MTHFD1L: variants seen among roughly 807,000 people sequenced by gnomAD.
MTHFD1L encodes methylenetetrahydrofolate dehydrogenase (NADP+ dependent) 1 like.
In MTHFD1L, 81 loss-of-function variants were observed where a neutral mutation model predicts 119.5. The ratio of observed to expected loss-of-function variants is 0.68; its 90% CI spans 0.57 to 0.82. The LOEUF (loss-of-function observed/expected upper bound fraction) is 0.82. Among genes scored for constraint, MTHFD1L ranks in the 40% least tolerant of loss-of-function variants. MTHFD1L has a pLI of 0.00. For synonymous variants in MTHFD1L, 430 were observed against 475.2 expected (o/e 0.90, Z 1.24); for missense variants, 1,125 against 1,253.4 (o/e 0.90, Z 1.55).
chr6:150,910,517 C>T (rs528108256), intron 8 of MTHFD1L, among the ~76,000 whole-genome samples: 27 of 145,630 alleles, frequency 1.9e-4, no homozygotes, highest in African/African-American at 6.7e-4. Flanking sequence ...GAGCTGAGAT[C>T]GCGCTCCAGC....
At chr6:150,974,019 T>G (rs1463003413) in intron 20 of MTHFD1L, among the ~76,000 whole-genome samples, 1 of 152,238 alleles carries the variant, frequency 6.6e-6, no homozygotes, top group Non-Finnish European at 1.5e-5. Context: ...TATGATCTCA[T>G]CTAGTCTAAG....
intron 20 of MTHFD1L, among the ~76,000 whole-genome samples, chr6:150,992,192 G>C (rs749747296): frequency 2.6e-5 from 4 of 152,168 alleles, no homozygotes; most frequent in African/African-American, 9.7e-5. Context: ...GGACTCCTTC[G>C]TCAGTAAGAG....
rs192751833 is a variant in MTHFD1L at position 150,954,744 on chromosome 6, C to A, written c.1727-1251C>A. Among the ~76,000 whole-genome samples the A allele has an allele frequency of 4.5e-3, 685 of 151,890 alleles. 18 individuals carry two copies. Among genetic ancestry groups the A allele is most frequent in the Non-Finnish European group, 1.9e-3 (131 of 67,950 alleles). On this transcript the variant is annotated intron_variant, in intron 16 of 27. Coordinates refer to ENST00000367321, the MANE Select transcript of MTHFD1L (RefSeq NM_015440.5). ...TGCAGAGACACAATCATGGTCATTGCAGCCTCAACCCCCAAGACTCAAGCA... is the reference window on the plus strand; with the variant it reads ...TGCAGAGACACAATCATGGTCATTGAAGCCTCAACCCCCAAGACTCAAGCA...
intron 20 of MTHFD1L, among the ~76,000 whole-genome samples, chr6:150,990,343 A>C (rs975009860): frequency 3.9e-5 from 6 of 152,238 alleles, no homozygotes; most frequent in African/African-American, 1.4e-4. Flanking sequence ...TATCAGAACA[A>C]GATAACCCTA....
chr6:150,995,324 G>A (rs947294175), intron 20 of MTHFD1L, among the ~76,000 whole-genome samples: 2 of 152,062 alleles, frequency 1.3e-5, no homozygotes, highest in Non-Finnish European at 2.9e-5. Context: ...AGACCAGCCT[G>A]ACCAACATGG....
At chr6:151,008,442 C>T (rs963792755) in intron 20 of MTHFD1L, among the ~76,000 whole-genome samples, 13 of 152,332 alleles carry the variant, frequency 8.5e-5, no homozygotes, top group African/African-American at 2.9e-4. Context: ...ACAATCATCT[C>T]ACCTGGGGAT....
At chr6:150,948,970 G>T in intron 15 of MTHFD1L, 61 bp from the exon 16 acceptor site, 1 of 1,328,374 alleles carries the variant, frequency 7.5e-7, no homozygotes, top group Non-Finnish European at 1.1e-6. Flanking sequence ...GGATAATTTT[G>T]GTGACCCTTT....
intron 7 of MTHFD1L, among the ~76,000 whole-genome samples, chr6:150,902,606 A>G (rs1415441334): frequency 1.3e-5 from 2 of 152,122 alleles, no homozygotes; most frequent in Non-Finnish European, 2.9e-5. Context: ...ATTAACATCT[A>G]TGATGCAATC....
intron 13 of MTHFD1L, among the ~76,000 whole-genome samples, chr6:150,942,530 A>G (rs1562424030): frequency 6.6e-6 from 1 of 152,168 alleles, no homozygotes; most frequent in African/African-American, 2.4e-5. Context: ...GTATGGGAAT[A>G]TAGATCATTT....
intron 5 of MTHFD1L, among the ~76,000 whole-genome samples, chr6:150,883,367 C>T (rs1781678469): frequency 1.3e-5 from 2 of 152,166 alleles, no homozygotes; most frequent in Admixed American, 1.3e-4. Context: ...GCAAAAGTTA[C>T]ATATTTTGGA....
chr6:151,003,372 A>G (rs1780894011), intron 20 of MTHFD1L, among the ~76,000 whole-genome samples: 1 of 152,112 alleles, frequency 6.6e-6, no homozygotes, highest in Admixed American at 6.6e-5. Context: ...ACTCTACAAA[A>G]AATACAAAAA....
At chr6:151,062,980 A>G (rs2073665281) in intron 26 of MTHFD1L, among the ~76,000 whole-genome samples, 1 of 152,110 alleles carries the variant, frequency 6.6e-6, no homozygotes, top group Non-Finnish European at 1.5e-5. Flanking sequence ...ACATGTATAC[A>G]TATGTAACAA....
intron 20 of MTHFD1L, among the ~76,000 whole-genome samples, chr6:150,979,314 A>C (rs1483245237): frequency 6.6e-6 from 1 of 151,800 alleles, no homozygotes; most frequent in Non-Finnish European, 1.5e-5. Flanking sequence ...ATATAACTAT[A>C]TTGTACCAAT....
chr6:151,026,820 C>CTTTTTTTTTTTTTT lies in MTHFD1L; in HGVS notation c.2587-7659_2587-7646dup, dbSNP rs1158007442. On this transcript the variant is annotated intron_variant, in intron 24 of 27. Transcript: ENST00000367321. ...TGAGATTTTTCCTGTCCTTTCTATC[C>CTTTTTTTTTTTTTT]TTTTTTTTTTTTTTTTTTTTTTTTT... 9.8e-5 allele frequency among the ~76,000 whole-genome samples: 5 copies of CTTTTTTTTTTTTTT among 51,264 alleles called. 1 individual carries two copies. The highest frequency in any genetic ancestry group is 3.4e-4 in the African/African-American group (4 of 11,834). The allele number at this position is 51,264 out of a possible 152,430, so 33.6% of individuals were successfully genotyped here.
chr6:150,892,590 A>G (rs1394816505), intron 7 of MTHFD1L, among the ~76,000 whole-genome samples: 1 of 152,196 alleles, frequency 6.6e-6, no homozygotes, highest in African/African-American at 2.4e-5. Context: ...AGCCAAAAAT[A>G]TGGGAAGAAA....
rs1165497532 is a variant in MTHFD1L at position 150,926,062 on chromosome 6, C to T, written c.1083-60C>T. ...GCGTGATGTGTGGCTGTTTTCACTC[C>T]AGTTGTGACCACCTAAGCTGAGAAG... is the stretch of plus-strand genomic sequence containing the variant. On this transcript the variant is annotated intron_variant, in intron 10 of 27. Coordinates refer to ENST00000367321, the MANE Select transcript of MTHFD1L (RefSeq NM_015440.5). The surrounding 1 kb of genome is among the most constrained non-coding windows in gnomAD (Gnocchi z 4.3). 6.1e-6 allele frequency: 9 copies of T among 1,482,126 alleles called. No individual in the cohort carries two copies. Among genetic ancestry groups the T allele is most frequent in the Middle Eastern group, 1.8e-4 (1 of 5,516 alleles). The allele number at this position is 1,482,126 out of a possible 1,614,324, so 91.8% of individuals were successfully genotyped here. A position where few individuals can be genotyped will look rare whatever the true frequency, so the allele number is the denominator to read the frequency against.
At chr6:151,008,006 T>C (rs1584094707) in intron 20 of MTHFD1L, among the ~76,000 whole-genome samples, 1 of 152,226 alleles carries the variant, frequency 6.6e-6, no homozygotes, top group Non-Finnish European at 1.5e-5. Context: ...CAAAAGCATA[T>C]CAATGGTCAT....
chr6:150,918,851 A>G (rs745819042), intron 9 of MTHFD1L, among the ~76,000 whole-genome samples, 183 bp downstream of exon 9: 1 of 152,186 alleles, frequency 6.6e-6, no homozygotes, highest in Non-Finnish European at 1.5e-5. Context: ...CTATGATCAC[A>G]TGGCAGTGTG....
intron 7 of MTHFD1L, among the ~76,000 whole-genome samples, chr6:150,905,268 G>A (rs1489022439): frequency 5.9e-5 from 9 of 151,844 alleles, no homozygotes; most frequent in South Asian, 2.1e-4. Context: ...TCCTGACCTC[G>A]TGATCCACCT....
Sources: gnomAD v4.1 joint callset for allele counts (sites outside exome capture counted in the v4.1 genomes callset) on GRCh38, gnomAD v4.1.1 for gene constraint, Gnocchi (gnomAD v3.1) non-coding constraint, MANE v1.5 for transcripts, NCBI Gene and HGNC (gene_info 2026-07-23, HGNC 2026-07-21) for gene names.